Variants in ULK2 observed in about 807,000 individuals in gnomAD.
ULK2 encodes the protein serine/threonine-protein kinase ULK2.
A neutral mutation model predicts 127.5 loss-of-function variants in ULK2; 76 were observed. The ratio of observed to expected loss-of-function variants is 0.60; its 90% CI spans 0.50 to 0.72. The LOEUF (loss-of-function observed/expected upper bound fraction) is 0.72, where lower values mean the gene tolerates loss of function less well. Among genes scored for constraint, ULK2 ranks in the 30% least tolerant of loss-of-function variants. ULK2 has a pLI of 0.00. For synonymous variants in ULK2, 452 were observed against 461.9 expected, an observed-to-expected ratio of 0.98 and a Z score of 0.28; for missense variants, 1,144 against 1,295.9, an observed-to-expected ratio of 0.88 and a Z score of 1.80.
Position 19,867,462 on chromosome 17 carries a change from G to T in ULK2, c.-45C>A, listed in dbSNP as rs532110364. The T allele has an allele frequency of 2.9e-4, 451 of 1,538,480 alleles. 2 individuals are homozygous for T. In the East Asian group the frequency reaches 0.01, roughly 36 times the overall value. On this transcript the variant is annotated 5_prime_UTR_variant, in exon 1 of 27. Coordinates refer to ENST00000395544, the MANE Select transcript of ULK2 (RefSeq NM_014683.4). ...ACAGCGGACGGGCGGGCGGCGCAGT[G>T]CGGCGCAGGTATCAGCACCGCGGCT...
At chr17:19,790,991 C>A (rs998948216) in intron 20 of ULK2, among the ~76,000 whole-genome samples, 1 of 152,170 alleles carries the variant, frequency 6.6e-6, no homozygotes, top group Admixed American at 6.5e-5. Context: ...CCTACACGAG[C>A]ATACAGATAT....
At chr17:19,842,173 T>C (rs960842861) in intron 8 of ULK2, among the ~76,000 whole-genome samples, 7 of 150,896 alleles carry the variant, frequency 4.6e-5, no homozygotes, top group Admixed American at 4.6e-4. Flanking sequence ...CCTGGCTGTG[T>C]CACTAATTTT....
chr17:19,791,729 A>G (rs1488543224), intron 20 of ULK2, among the ~76,000 whole-genome samples: 1 of 151,702 alleles, frequency 6.6e-6, no homozygotes, highest in African/African-American at 2.4e-5. Flanking sequence ...ATGGTGGTAC[A>G]CACCTGTAAT....
chr17:19,843,296 T>C, intron 7 of ULK2, 74 bp from the exon 8 acceptor site: 3 of 955,638 alleles, frequency 3.1e-6, no homozygotes, highest in South Asian at 1.9e-5. Flanking sequence ...AATTAACTGG[T>C]AAAGGTGACA....
intron 16 of ULK2, among the ~76,000 whole-genome samples, chr17:19,799,963 TC>T (rs1567685776): frequency 6.6e-6 from 1 of 152,142 alleles, no homozygotes. Flanking sequence ...AGGCTAGGCT[TC>T]CCCCAGGGCT....
intron 3 of ULK2, among the ~76,000 whole-genome samples, chr17:19,861,982 T>C (rs1045234638): frequency 4.6e-5 from 7 of 152,380 alleles, no homozygotes; most frequent in African/African-American, 1.7e-4. Flanking sequence ...TGCATGCTAT[T>C]TGACTTGGTC....
chr17:19,853,353 G>T (rs982314774), intron 3 of ULK2, among the ~76,000 whole-genome samples: 1 of 151,592 alleles, frequency 6.6e-6, no homozygotes, highest in Non-Finnish European at 1.5e-5. Flanking sequence ...GCCCAGGCTG[G>T]TCCCAAACTC....
chr17:19,810,475 C>A, intron 13 of ULK2, 37 bp from the exon 14 acceptor site: 2 of 1,388,420 alleles, frequency 1.4e-6, no homozygotes, highest in Non-Finnish European at 9.9e-7. Context: ...TCCTGTTATA[C>A]CATCTGCTTA....
chr17:19,835,958 C>T (rs906589960), intron 10 of ULK2, among the ~76,000 whole-genome samples: 2 of 151,566 alleles, frequency 1.3e-5, no homozygotes, highest in African/African-American at 4.8e-5. Flanking sequence ...CCTATCCCTA[C>T]AAAAGGGTAA....
intron 20 of ULK2, among the ~76,000 whole-genome samples, chr17:19,791,154 A>G (rs1323656189): frequency 1.3e-5 from 2 of 152,230 alleles, no homozygotes; most frequent in Non-Finnish European, 2.9e-5. Context: ...GACCTAACTG[A>G]TATTTACAGA....
At chr17:19,864,082 G>C (rs2152403856) in intron 3 of ULK2, among the ~76,000 whole-genome samples, 1 of 152,278 alleles carries the variant, frequency 6.6e-6, no homozygotes. Flanking sequence ...TGAGGCAGAA[G>C]GATCCCTTGA....
intron 3 of ULK2, among the ~76,000 whole-genome samples, chr17:19,864,347 C>T (rs2042308705): frequency 6.6e-6 from 1 of 151,858 alleles, no homozygotes; most frequent in Non-Finnish European, 1.5e-5. Flanking sequence ...TGGTGGTGCA[C>T]ACCTATAGTC....
chr17:19,792,172 AAGC>A (rs1476821534), intron 20 of ULK2, among the ~76,000 whole-genome samples: 1 of 152,172 alleles, frequency 6.6e-6, no homozygotes, highest in African/African-American at 2.4e-5. Context: ...AGAACTACAA[AAGC>A]AAGAGCAAAC....
In ULK2 at chr17:19,841,565, G is replaced by A; in HGVS notation, c.646-18C>T. 6.5e-7 allele frequency: 1 copy of A among 1,539,044 alleles called. No homozygotes were observed. The highest frequency in any genetic ancestry group is 8.7e-7 in the Non-Finnish European group (1 of 1,146,772). On this transcript the variant is annotated intron_variant, in intron 8 of 26. Transcript: ENST00000395544. ...CTATTGGCCTATTAAAAAAAAAAAG[G>A]TTTAATTTCCTAAACAATGGGGGCA...
chr17:19,791,785 G>A (rs2087158454), intron 20 of ULK2, among the ~76,000 whole-genome samples: 1 of 149,260 alleles, frequency 6.7e-6, no homozygotes, highest in Admixed American at 6.7e-5. Flanking sequence ...TTGAACCTGG[G>A]AGGTGGAGAT....
At chr17:19,779,531 C>CAA (rs55957234) in intron 25 of ULK2, among the ~76,000 whole-genome samples, 41 of 67,978 alleles carry the variant, frequency 6.0e-4, no homozygotes, top group Middle Eastern at 8.1e-3. Context: ...AACTCCATCT[C>CAA]AAAAAAAAAA....
rs2152380332 is a variant in ULK2, at chr17:19,776,407, T to C, written c.3053A>G (p.Tyr1018Cys). The stretch of plus-strand genomic sequence containing the variant: ...CAGTCTTCTCTCAATACTACATTTA[T>C]CTAGAAATAAAATAACAAAAATGAA... ...DPADIENVHKYKCSIERRLSA... is the reference protein window; with the variant it reads ...DPADIENVHKCKCSIERRLSA... Residue 1018 changes from tyrosine to cysteine, a missense_variant and splice_region_variant, in exon 27 of 27, where the codon TAT becomes TGT. Around this residue, in one of 2 missense-constraint regions of ULK2, gnomAD observed 913 missense variants for 970.5 expected, o/e 0.94. Coordinates refer to ENST00000395544, the MANE Select transcript of ULK2 (RefSeq NM_014683.4). 2 of 1,590,590 alleles carry C rather than the reference T, an allele frequency of 1.3e-6. No individual in the cohort carries two copies. The highest frequency in any genetic ancestry group is 1.3e-5 in the African/African-American group (1 of 74,338).
chr17:19,850,726 G>A (rs2041995041), intron 3 of ULK2, among the ~76,000 whole-genome samples: 1 of 152,152 alleles, frequency 6.6e-6, no homozygotes, highest in South Asian at 2.1e-4. Flanking sequence ...TTGGGAGGCT[G>A]AGGCAGGAGA....
chr17:19,867,097 A>G (rs1489247495), intron 1 of ULK2, among the ~76,000 whole-genome samples: 4 of 152,072 alleles, frequency 2.6e-5, no homozygotes, highest in Non-Finnish European at 4.4e-5. Flanking sequence ...GGCCCCGGGC[A>G]CACAGGAGGA....
Sources: allele counts gnomAD v4.1 joint callset (sites outside exome capture counted in the v4.1 genomes callset), GRCh38; gene constraint gnomAD v4.1.1; regional missense constraint gnomAD v4.1.1; transcripts MANE v1.5; gene names NCBI Gene and HGNC (gene_info 2026-07-23, HGNC 2026-07-21).